ATP8B4: variants seen among roughly 807,000 people sequenced by gnomAD.
ATP8B4 encodes the protein ATPase phospholipid transporting 8B4 (putative).
In ATP8B4, 133 loss-of-function variants were observed where a neutral mutation model predicts 145.6. The observed-to-expected ratio is 0.91, with a 90% CI of 0.79 to 1.05. ATP8B4 has a LOEUF of 1.05. Among genes scored for constraint, ATP8B4 ranks in the 50% least tolerant of loss-of-function variants. The pLI, the probability that ATP8B4 is intolerant of heterozygous loss-of-function variation, is 0.00. For missense variants in ATP8B4, 1,458 were observed against 1,425.2 expected (o/e 1.02, Z -0.37); for synonymous variants, 507 against 492.9 (o/e 1.03, Z -0.38).
Position 49,858,740 on chromosome 15 carries a change from C to A in ATP8B4, c.*1454G>T, listed in dbSNP as rs1366282107. 1 of 152,162 alleles carries A rather than the reference C, an allele frequency of 6.6e-6. No individual in the cohort carries two copies. The highest frequency in any genetic ancestry group is 2.4e-5 in the African/African-American group (1 of 41,436). 9.4% of individuals were successfully genotyped at this position (152,162 alleles called of 1,614,324 possible). A position where few individuals can be genotyped will look rare whatever the true frequency, so the allele number is the denominator to read the frequency against. ...TTTTATTTCCCTGTAGGACCCTAACCAGTTTTATATCTTTCTGGCAATTTC... is the reference window on the plus strand; with the variant it reads ...TTTTATTTCCCTGTAGGACCCTAACAAGTTTTATATCTTTCTGGCAATTTC... On this transcript the variant is annotated 3_prime_UTR_variant, in exon 28 of 28. Transcript: ENST00000284509.
At chr15:49,931,411 A>G (rs1029653230) in intron 15 of ATP8B4, 104 bp from the exon 16 acceptor site, 6 of 1,124,534 alleles carry the variant, frequency 5.3e-6, no homozygotes, top group Admixed American at 2.6e-5. Context: ...CTCAAGCATC[A>G]GGTCTAAAAA....
chr15:50,066,443 C>G (rs1352507850), intron 3 of ATP8B4, among the ~76,000 whole-genome samples: 1 of 152,114 alleles, frequency 6.6e-6, no homozygotes, highest in African/African-American at 2.4e-5. Flanking sequence ...ATCATCTGTA[C>G]TCTTTAGTTG....
At chr15:49,872,618 C>A (rs1030638565) in intron 25 of ATP8B4, among the ~76,000 whole-genome samples, 1 of 152,166 alleles carries the variant, frequency 6.6e-6, no homozygotes, top group Non-Finnish European at 1.5e-5. Context: ...CAACCTCAGT[C>A]TATTTCTAAG....
chr15:50,026,660 G>C (rs1308936792), intron 6 of ATP8B4, among the ~76,000 whole-genome samples: 2 of 152,210 alleles, frequency 1.3e-5, no homozygotes, highest in African/African-American at 4.8e-5. Flanking sequence ...TTGTTTCATA[G>C]ATGAGAAAAC....
chr15:50,116,578 A>G (rs2057165744), intron 1 of ATP8B4, among the ~76,000 whole-genome samples: 1 of 152,210 alleles, frequency 6.6e-6, no homozygotes, highest in Non-Finnish European at 1.5e-5. Context: ...GTCAAGGGGG[A>G]ATGAATGACC....
intron 1 of ATP8B4, among the ~76,000 whole-genome samples, chr15:50,166,139 C>T (rs2044596115): frequency 6.6e-6 from 1 of 152,030 alleles, no homozygotes; most frequent in Non-Finnish European, 1.5e-5. Context: ...CTTGAAAGTA[C>T]CAAAGAATAA....
chr15:49,868,383 C>G lies in ATP8B4; in HGVS notation c.3028-1899G>C, dbSNP rs149928304. On this transcript the variant is annotated intron_variant, in intron 25 of 27. Coordinates refer to ENST00000284509, the MANE Select transcript of ATP8B4 (RefSeq NM_024837.4). ...AAAGGCAAAGACAGAAAACATTAAG[C>G]TAAAAAGTATAACATCTCAATATCC... 4.7e-4 allele frequency among the ~76,000 whole-genome samples: 71 copies of G among 152,242 alleles called. 1 individual carries two copies. In the East Asian group the frequency reaches 8.3e-3, roughly 18 times the overall value.
intron 1 of ATP8B4, among the ~76,000 whole-genome samples, chr15:50,145,973 AT>A (rs2153680315): frequency 6.7e-6 from 1 of 149,086 alleles, no homozygotes; most frequent in African/African-American, 2.5e-5. Context: ...TTCTGATTAT[AT>A]TTTTATATAG....
chr15:50,148,919 A>G (rs575573511), intron 1 of ATP8B4, among the ~76,000 whole-genome samples: 91 of 152,372 alleles, frequency 6.0e-4, no homozygotes, highest in African/African-American at 1.9e-3. Context: ...ATAAAATGTT[A>G]TATTGTCTAC....
chr15:50,010,003 T>A (rs2048607069), intron 7 of ATP8B4, among the ~76,000 whole-genome samples: 1 of 152,182 alleles, frequency 6.6e-6, no homozygotes, highest in East Asian at 1.9e-4. Flanking sequence ...AAGAAGACTG[T>A]TTCTGAAAGT....
At chr15:49,997,377 T>C (rs2047514754) in intron 8 of ATP8B4, among the ~76,000 whole-genome samples, 1 of 152,088 alleles carries the variant, frequency 6.6e-6, no homozygotes, top group Non-Finnish European at 1.5e-5. Flanking sequence ...TGGCCAGCAG[T>C]TAAGATTCTA....
At chr15:49,920,522 G>GCAGTGCTCTTGGTACAAA in intron 17 of ATP8B4, 112 bp from the exon 18 acceptor site, 1 of 1,216,830 alleles carries the variant, frequency 8.2e-7, no homozygotes. Flanking sequence ...TTTGTACCAA[G>GCAGTGCTCTTGGTACAAA]AGCACTGCTT....
intron 2 of ATP8B4, among the ~76,000 whole-genome samples, chr15:50,098,266 ATTTTTTTTTTTTTTTTTTTTTTT>A (rs71124319): frequency 1.7e-4 from 7 of 41,768 alleles, no homozygotes; most frequent in Admixed American, 8.4e-4. Context: ...TTGTCAGGTG[ATTTTTTTTTTTTTTTTTTTTTTT>A]TTTTTTTTTT....
chr15:49,942,651 G>A (rs867866128), intron 14 of ATP8B4, among the ~76,000 whole-genome samples: 7 of 151,462 alleles, frequency 4.6e-5, no homozygotes, highest in Middle Eastern at 3.4e-3. Context: ...GGTGAAACCC[G>A]GTCTCTACTA....
chr15:50,021,153 T>TAGAC (rs2049528820), intron 6 of ATP8B4, among the ~76,000 whole-genome samples: 2 of 152,020 alleles, frequency 1.3e-5, no homozygotes, highest in Admixed American at 6.6e-5. Flanking sequence ...GATAGATAGA[T>TAGAC]AGATAGATAG....
At chr15:50,046,823 T>G (rs2051760799) in intron 4 of ATP8B4, among the ~76,000 whole-genome samples, 3 of 152,210 alleles carry the variant, frequency 2.0e-5, no homozygotes, top group Admixed American at 2.0e-4. Context: ...AAATTTTAGT[T>G]AGGAGAAAAA....
intron 14 of ATP8B4, among the ~76,000 whole-genome samples, chr15:49,950,352 A>C (rs1251072157): frequency 6.6e-6 from 1 of 152,036 alleles, no homozygotes; most frequent in South Asian, 2.1e-4. Flanking sequence ...TTATTGGTCT[A>C]CTCAAGGATT....
At chr15:49,924,817 G>A (rs576224402) in intron 16 of ATP8B4, among the ~76,000 whole-genome samples, 1 of 152,148 alleles carries the variant, frequency 6.6e-6, no homozygotes, top group Non-Finnish European at 1.5e-5. Context: ...CCTACATTGG[G>A]GAAAAAGAAA....
chr15:49,938,643 C>A (rs959723744), intron 14 of ATP8B4, among the ~76,000 whole-genome samples: 1 of 152,014 alleles, frequency 6.6e-6, no homozygotes, highest in South Asian at 2.1e-4. Flanking sequence ...ACTTAGAGAG[C>A]CACACAATAA....
Sources: gnomAD v4.1 joint callset for allele counts (sites outside exome capture counted in the v4.1 genomes callset) on GRCh38, gnomAD v4.1.1 for gene constraint, MANE v1.5 for transcripts, NCBI Gene and HGNC (gene_info 2026-07-23, HGNC 2026-07-21) for gene names.